The following SLC5A4 variants were observed in gnomAD, a reference collection of about 807,000 sequenced individuals.
SLC5A4 encodes the protein probable glucose sensor protein SLC5A4.
A neutral mutation model predicts 70.3 loss-of-function variants in SLC5A4; 55 were observed. The observed-to-expected ratio is 0.78, with a 90% CI of 0.63 to 0.98. SLC5A4 has a LOEUF of 0.98. SLC5A4 is among the 50% of genes least tolerant of loss of function. The pLI, the probability that SLC5A4 is intolerant of heterozygous loss-of-function variation, is 0.00. For synonymous variants in SLC5A4, 268 were observed against 305.7 expected (o/e 0.88, Z 1.29); for missense variants, 735 against 839.2 (o/e 0.88, Z 1.53).
upstream of SLC5A4, among the ~76,000 whole-genome samples, chr22:32,260,127 T>A (rs983551261): frequency 6.6e-6 from 1 of 151,584 alleles, no homozygotes; most frequent in African/African-American, 2.4e-5. Context: ...GGGAGAGGGG[T>A]CCCCCTATAC....
the SLC5A4 span, among the ~76,000 whole-genome samples, chr22:32,316,800 A>C: frequency 4.6e-5 from 7 of 152,080 alleles, no homozygotes; most frequent in Non-Finnish European, 8.8e-5. Flanking sequence ...AGCCTCCCAA[A>C]GTGCTGGGAT....
At chr22:32,338,010 TGAG>T in the SLC5A4 span, among the ~76,000 whole-genome samples, 1 of 151,362 alleles carries the variant, frequency 6.6e-6, no homozygotes, top group Non-Finnish European at 1.5e-5. Flanking sequence ...TGAACTCTCT[TGAG>T]TCAGTGTGAT....
At chr22:32,332,259 C>T in the SLC5A4 span, among the ~76,000 whole-genome samples, 9 of 152,238 alleles carry the variant, frequency 5.9e-5, no homozygotes, top group Non-Finnish European at 1.3e-4. Context: ...TGGCCCTGCA[C>T]AGTCAGACCT....
the SLC5A4 span, among the ~76,000 whole-genome samples, chr22:32,352,107 G>C: frequency 2.0e-5 from 3 of 152,008 alleles, no homozygotes; most frequent in African/African-American, 7.2e-5. Flanking sequence ...ATGAGTTCAT[G>C]GCCTTTGTAA....
chr22:32,235,740 A>G (rs1203538737), intron 7 of SLC5A4, among the ~76,000 whole-genome samples: 1 of 151,370 alleles, frequency 6.6e-6, no homozygotes, highest in Non-Finnish European at 1.5e-5. Context: ...TAGAAAGCTG[A>G]GTCCAGGCAT....
chr22:32,351,728 T>TGGGGGCGGTGGGGGGAGGGC, the SLC5A4 span, among the ~76,000 whole-genome samples: 1 of 10,608 alleles, frequency 9.4e-5, no homozygotes, highest in Non-Finnish European at 1.7e-4. Flanking sequence ...GGGGGGAGGG[T>TGGGGGCGGTGGGGGGAGGGC]GGGGGCGGTG....
chr22:32,324,986 T>C, the SLC5A4 span, among the ~76,000 whole-genome samples: 2 of 152,254 alleles, frequency 1.3e-5, no homozygotes, highest in African/African-American at 4.8e-5. Context: ...CAGGAAGCTG[T>C]TCCTGTGTGG....
chr22:32,266,325 C>A, the SLC5A4 span, among the ~76,000 whole-genome samples: 7 of 152,072 alleles, frequency 4.6e-5, no homozygotes, highest in African/African-American at 7.2e-5. Flanking sequence ...CGGACCAGGT[C>A]TCTTCATAAA....
At chr22:32,338,681 C>T in the SLC5A4 span, among the ~76,000 whole-genome samples, 2 of 152,140 alleles carry the variant, frequency 1.3e-5, no homozygotes, top group South Asian at 4.1e-4. Flanking sequence ...GAAATGCAAA[C>T]TGTATAGAAA....
At chr22:32,313,888 G>A in the SLC5A4 span, among the ~76,000 whole-genome samples, 23 of 152,312 alleles carry the variant, frequency 1.5e-4, no homozygotes, top group African/African-American at 4.6e-4. Context: ...GGAGTAGAAG[G>A]CAGGGAGAAA....
the SLC5A4 span, among the ~76,000 whole-genome samples, chr22:32,300,252 G>A: frequency 6.7e-6 from 1 of 149,774 alleles, no homozygotes; most frequent in Non-Finnish European, 1.5e-5. Context: ...CCCTCCCCAA[G>A]CCTCGCTGCT....
chr22:32,295,444 G>T, the SLC5A4 span, among the ~76,000 whole-genome samples: 1 of 110,774 alleles, frequency 9.0e-6, no homozygotes, highest in Non-Finnish European at 2.0e-5. Flanking sequence ...CATGTTTTTT[G>T]GCTGCATAAA....
At chr22:32,343,402 T>C in the SLC5A4 span, among the ~76,000 whole-genome samples, 2,478 of 152,160 alleles carry the variant, frequency 0.016, 66 homozygotes, top group African/African-American at 0.057. Flanking sequence ...GGATGGCAGA[T>C]GAGATATGAT....
the SLC5A4 span, chr22:32,271,375 AGAGCACACCTTACCTGCTGGTGCATGTG>A: frequency 1.3e-6 from 1 of 750,330 alleles, no homozygotes. Flanking sequence ...GGCAGCCGCC[AGAGCACACCTTACCTGCTGGTGCATGTG>A]GACCAAAAGC....
the SLC5A4 span, among the ~76,000 whole-genome samples, chr22:32,299,387 C>T: frequency 9.0e-5 from 12 of 132,620 alleles, no homozygotes; most frequent in East Asian, 1.1e-3. Context: ...CTTCCCTTCT[C>T]GCTTCATTTC....
chr22:32,275,306 G>A, the SLC5A4 span, among the ~76,000 whole-genome samples: 1 of 152,148 alleles, frequency 6.6e-6, no homozygotes, highest in Non-Finnish European at 1.5e-5. Flanking sequence ...CATGTGCCAT[G>A]TTGGTGTGCT....
upstream of SLC5A4, among the ~76,000 whole-genome samples, chr22:32,259,872 G>A (rs908486306): frequency 6.6e-6 from 1 of 152,184 alleles, no homozygotes; most frequent in African/African-American, 2.4e-5. Flanking sequence ...ATTGGGAGAA[G>A]GGAGTATTCA....
chr22:32,297,030 T>C, the SLC5A4 span, among the ~76,000 whole-genome samples: 6 of 148,568 alleles, frequency 4.0e-5, no homozygotes, highest in Non-Finnish European at 8.9e-5. Context: ...GATAAGCTTT[T>C]TGATGTGCTG....
chr22:32,320,495 C>T, the SLC5A4 span, among the ~76,000 whole-genome samples: 1 of 152,196 alleles, frequency 6.6e-6, no homozygotes, highest in African/African-American at 2.4e-5. Flanking sequence ...AACAACAGCT[C>T]CTGCACAATG....
Sources: allele counts gnomAD v4.1 joint callset (sites outside exome capture counted in the v4.1 genomes callset), GRCh38; gene constraint gnomAD v4.1.1; transcripts MANE v1.5; gene names NCBI Gene and HGNC (gene_info 2026-07-23, HGNC 2026-07-21).